KANK1: variants seen among roughly 807,000 people sequenced by gnomAD.
KANK1 encodes the protein KN motif and ankyrin repeat domains 1.
In KANK1, 109 loss-of-function variants were observed where a neutral mutation model predicts 106.2. That is an observed-to-expected ratio of 1.03 (90% CI 0.88 to 1.20). The LOEUF (loss-of-function observed/expected upper bound fraction) is 1.20. Ranked by LOEUF, KANK1 falls within the 50% of genes most tolerant of loss-of-function variation. The pLI is 0.00. For missense variants in KANK1, 2,399 were observed against 1,710.7 expected (o/e 1.40, Z -7.10); for synonymous variants, 873 against 652.2 (o/e 1.34, Z -5.16).
At chr9:674,788 C>G (rs1816041141) in intron 1 of KANK1, among the ~76,000 whole-genome samples, 1 of 152,150 alleles carries the variant, frequency 6.6e-6, no homozygotes, top group Non-Finnish European at 1.5e-5. Context: ...ACTGCAATCT[C>G]CGTCTCCCAG....
At chr9:703,402 T>G (rs1490848265) in intron 2 of KANK1, among the ~76,000 whole-genome samples, 3 of 152,154 alleles carry the variant, frequency 2.0e-5, no homozygotes, top group Non-Finnish European at 4.4e-5. Flanking sequence ...ATTTTTCCTC[T>G]TACTCCTTCC....
chr9:541,958 G>A (rs1034766352), intron 1 of KANK1, among the ~76,000 whole-genome samples: 1 of 150,926 alleles, frequency 6.6e-6, no homozygotes, highest in Non-Finnish European at 1.5e-5. Context: ...GCGTGGTAGC[G>A]GGCCCCTGTA....
At position 567,082 on chromosome 9, in the gene KANK1, C is replaced by T. The variant is rs550054749; in HGVS notation, c.-84+62328C>T. ...ACATGGCTAGCCAGTTATCACAGCA[C>T]CATTTATTCAACAGGGAGTCCTTTC... On this transcript the variant is annotated intron_variant, in intron 1 of 11. Transcript: ENST00000382297. Among the ~76,000 whole-genome samples the T allele has an allele frequency of 6.6e-5, 10 of 152,296 alleles. No individual in the cohort carries two copies. In the South Asian group the frequency reaches 2.1e-3, roughly 32 times the overall value.
chr9:670,696 C>T (rs1001171975), intron 1 of KANK1, among the ~76,000 whole-genome samples: 54 of 152,258 alleles, frequency 3.5e-4, no homozygotes, highest in Non-Finnish European at 6.9e-4. Flanking sequence ...AATCCTGCCT[C>T]CTTCCTTTGT....
At chr9:492,960 G>A (rs139999490) in intron 3 of KANK1, among the ~76,000 whole-genome samples, 5 of 151,308 alleles carry the variant, frequency 3.3e-5, no homozygotes, top group African/African-American at 9.7e-5. Context: ...GGAGGCAGAG[G>A]TTGCGGTGAG....
At chr9:660,740 A>C (rs1351935602) in intron 1 of KANK1, among the ~76,000 whole-genome samples, 2 of 152,308 alleles carry the variant, frequency 1.3e-5, no homozygotes, top group South Asian at 2.1e-4. Flanking sequence ...GGGGTAAGGC[A>C]GCAACAGCAA....
intron 1 of KANK1, among the ~76,000 whole-genome samples, chr9:554,784 A>G (rs965159832): frequency 6.6e-6 from 1 of 152,250 alleles, no homozygotes; most frequent in African/African-American, 2.4e-5. Context: ...TAAAAACAGA[A>G]TCCTATAAAT....
intron 1 of KANK1, among the ~76,000 whole-genome samples, chr9:557,929 T>C (rs1815273930): frequency 6.6e-6 from 1 of 152,112 alleles, no homozygotes; most frequent in Middle Eastern, 3.2e-3. Flanking sequence ...TGTTTGAGCC[T>C]GGGTGGTTGA....
chr9:518,237 A>G (rs1205724510), intron 1 of KANK1, among the ~76,000 whole-genome samples: 1 of 151,862 alleles, frequency 6.6e-6, no homozygotes, highest in Non-Finnish European at 1.5e-5. Flanking sequence ...CTCTGACCTC[A>G]CATCCAGTTT....
At chr9:706,789 G>C (rs565652149) in intron 2 of KANK1, 1 of 985,340 alleles carries the variant, frequency 1.0e-6, no homozygotes, top group African/African-American at 1.7e-5. Context: ...CTGAGAACCC[G>C]CAGAGAACAG....
rs149775124 is a variant in KANK1 at position 711,869 on chromosome 9, G to C, written c.1103G>C (p.Arg368Pro). The change falls in exon 3 of 12, where the codon CGG becomes CCG. Residue 368 changes from arginine to proline, a missense_variant. Coordinates refer to ENST00000382297, the MANE Select transcript of KANK1 (RefSeq NM_015158.5). ...AGCACGCAGAGGATAAAGGAGTTCC[G>C]GCAACTTACAGCAGACATGCAAGCC... ...EQSTQRIKEF[R>P]QLTADMQALE... is the part of the protein sequence containing the mutation. 6 of 1,614,114 alleles carry C rather than the reference G, an allele frequency of 3.7e-6. No homozygotes were observed. The highest frequency in any genetic ancestry group is 5.1e-6 in the Non-Finnish European group (6 of 1,180,030).
chr9:658,946 C>T (rs187017097), intron 1 of KANK1, among the ~76,000 whole-genome samples: 2 of 152,302 alleles, frequency 1.3e-5, no homozygotes, highest in East Asian at 3.9e-4. Context: ...CATTCCTATA[C>T]ATCTGCATAC....
intron 1 of KANK1, among the ~76,000 whole-genome samples, chr9:555,038 T>A (rs371049811): frequency 1.3e-5 from 2 of 152,192 alleles, no homozygotes; most frequent in African/African-American, 4.8e-5. Context: ...CCCAGTCAAG[T>A]TGGCACGTGA....
At position 475,306 on chromosome 9, in the gene KANK1, G is replaced by A. The variant is rs543323326; in HGVS notation, c.-362+2033G>A. Among the ~76,000 whole-genome samples the A allele has an allele frequency of 3.9e-5, 6 of 152,294 alleles. No individual in the cohort carries two copies. In the South Asian group the frequency reaches 8.3e-4, roughly 21 times the overall value. On this transcript the variant is annotated intron_variant, in intron 3 of 15. Coordinates refer to the KANK1 transcript ENST00000382303. ...ATGCTCCCCTCCCAAATGCTAGCAG[G>A]CCACTGCACATATGGACAGCCCACC...
At chr9:642,138 G>A (rs766921816) in intron 1 of KANK1, among the ~76,000 whole-genome samples, 12 of 152,084 alleles carry the variant, frequency 7.9e-5, no homozygotes, top group South Asian at 2.1e-4. Flanking sequence ...ATTTCTGTGC[G>A]GATTAAACCA....
chr9:691,795 TTG>T (rs1378700470), intron 2 of KANK1, among the ~76,000 whole-genome samples: 1 of 149,346 alleles, frequency 6.7e-6, no homozygotes, highest in Non-Finnish European at 1.5e-5. Flanking sequence ...TTTTTTTTTT[TTG>T]GTAGAGACAG....
intron 1 of KANK1, among the ~76,000 whole-genome samples, chr9:615,079 A>T (rs1435195087): frequency 6.6e-6 from 1 of 151,750 alleles, no homozygotes; most frequent in Non-Finnish European, 1.5e-5. Flanking sequence ...AGCTGGTACC[A>T]AAGGTGTGCG....
At chr9:703,106 C>G (rs559016550) in intron 2 of KANK1, among the ~76,000 whole-genome samples, 208 of 152,094 alleles carry the variant, frequency 1.4e-3, no homozygotes, top group Non-Finnish European at 2.4e-3. Context: ...ATTCTCCTGC[C>G]TCAGCCTCCC....
chr9:569,342 C>T (rs1818601250), intron 1 of KANK1, among the ~76,000 whole-genome samples: 1 of 152,048 alleles, frequency 6.6e-6, no homozygotes, highest in Admixed American at 6.6e-5. Flanking sequence ...GAGGTGGGGC[C>T]TTTAAGAGGT....
Sources: allele counts gnomAD v4.1 joint callset (sites outside exome capture counted in the v4.1 genomes callset), GRCh38; gene constraint gnomAD v4.1.1; transcripts MANE v1.5; gene names NCBI Gene and HGNC (gene_info 2026-07-23, HGNC 2026-07-21).